B3GALT1: variants seen among roughly 807,000 people sequenced by gnomAD.
B3GALT1 encodes beta-1,3-galactosyltransferase 1.
Under a neutral mutation model 23.2 loss-of-function variants are expected in B3GALT1, and 10 were observed. That is an observed-to-expected ratio of 0.43 (90% CI 0.27 to 0.73). The LOEUF is 0.73. Among genes scored for constraint, B3GALT1 ranks in the 30% least tolerant of loss-of-function variants. B3GALT1 has a pLI of 0.21. For missense variants in B3GALT1, 299 were observed against 405.4 expected, an observed-to-expected ratio of 0.74 and a Z score of 2.25; for synonymous variants, 156 against 141.5, an observed-to-expected ratio of 1.10 and a Z score of -0.73.
intron 2 of B3GALT1, among the ~76,000 whole-genome samples, chr2:167,583,382 T>C (rs1207375713): frequency 6.6e-6 from 1 of 152,196 alleles, no homozygotes; most frequent in Non-Finnish European, 1.5e-5. Context: ...GAGGTTCTTG[T>C]TCATACGTTA....
chr2:167,762,314 C>A (rs1687909452), intron 3 of B3GALT1, among the ~76,000 whole-genome samples: 1 of 152,150 alleles, frequency 6.6e-6, no homozygotes, highest in African/African-American at 2.4e-5. Flanking sequence ...AAGAATATGG[C>A]ATTTTGAATG....
In B3GALT1 at chr2:167,645,285, A is replaced by G. The variant is rs142416059; in HGVS notation, c.-409-1624A>G. 3.8e-3 allele frequency among the ~76,000 whole-genome samples: 574 copies of G among 152,302 alleles called. 3 individuals carry two copies. The highest frequency in any genetic ancestry group is 6.8e-3 in the Middle Eastern group (2 of 294). On this transcript the variant is annotated intron_variant, in intron 2 of 4. Transcript: ENST00000392690. Reference sequence around the variant, plus strand: ...CTAGCAATACTTTTATGAAACAAGAATTACTCTAATGGAAGATAATTTTTA... The same window carrying G: ...CTAGCAATACTTTTATGAAACAAGAGTTACTCTAATGGAAGATAATTTTTA...
chr2:167,804,638 C>T (rs1480910454), intron 3 of B3GALT1, among the ~76,000 whole-genome samples: 1 of 152,148 alleles, frequency 6.6e-6, no homozygotes, highest in East Asian at 1.9e-4. Flanking sequence ...TCATCCATGT[C>T]CCTACAAAGG....
chr2:167,619,594 C>T (rs563380623), intron 2 of B3GALT1, among the ~76,000 whole-genome samples: 3 of 152,084 alleles, frequency 2.0e-5, no homozygotes, highest in African/African-American at 7.2e-5. Context: ...GGTTAACAAA[C>T]CAAATTAAGA....
chr2:167,620,332 A>G (rs1006990748), intron 2 of B3GALT1, among the ~76,000 whole-genome samples: 2 of 152,124 alleles, frequency 1.3e-5, no homozygotes, highest in Admixed American at 6.6e-5. Context: ...TGGCTAACCC[A>G]TAGTATACAA....
chr2:167,586,584 C>G (rs994631143), intron 2 of B3GALT1, among the ~76,000 whole-genome samples: 39 of 152,180 alleles, frequency 2.6e-4, no homozygotes, highest in African/African-American at 9.2e-4. Flanking sequence ...CAGGTGTGAG[C>G]TACCACGCCA....
chr2:167,795,758 T>A (rs916479170), intron 3 of B3GALT1, among the ~76,000 whole-genome samples: 8 of 152,198 alleles, frequency 5.3e-5, no homozygotes, highest in Non-Finnish European at 1.5e-5. Flanking sequence ...AGCTTATAGA[T>A]CCATCACCAA....
At chr2:167,431,052 T>C (rs1421379613) in intron 1 of B3GALT1, among the ~76,000 whole-genome samples, 2 of 152,208 alleles carry the variant, frequency 1.3e-5, no homozygotes, top group African/African-American at 2.4e-5. Flanking sequence ...GAAACTGTAA[T>C]GTCCTTTATG....
At chr2:167,704,005 C>T (rs1222311339) in intron 3 of B3GALT1, among the ~76,000 whole-genome samples, 2 of 151,834 alleles carry the variant, frequency 1.3e-5, no homozygotes, top group Admixed American at 6.6e-5. Flanking sequence ...CACGGTGAAA[C>T]CCCGTCTCTA....
At chr2:167,790,392 T>G (rs956569406) in intron 3 of B3GALT1, among the ~76,000 whole-genome samples, 1 of 152,190 alleles carries the variant, frequency 6.6e-6, no homozygotes, top group African/African-American at 2.4e-5. Flanking sequence ...ACTGTGAGTC[T>G]GGTTTCATCT....
At chr2:167,411,399 A>C (rs1381603808) in intron 1 of B3GALT1, among the ~76,000 whole-genome samples, 1 of 136,168 alleles carries the variant, frequency 7.3e-6, no homozygotes, top group East Asian at 2.2e-4. Context: ...AAAAAAAAAA[A>C]CCACACAAAT....
chr2:167,367,034 T>C (rs1697598552), intron 1 of B3GALT1, among the ~76,000 whole-genome samples: 1 of 152,186 alleles, frequency 6.6e-6, no homozygotes, highest in African/African-American at 2.4e-5. Context: ...TGGGGAAGAC[T>C]ACACAAGGGC....
At chr2:167,529,345 A>C (rs1683280490) in intron 2 of B3GALT1, among the ~76,000 whole-genome samples, 1 of 151,836 alleles carries the variant, frequency 6.6e-6, no homozygotes, top group Non-Finnish European at 1.5e-5. Context: ...ATATGTACCA[A>C]AATACCATCT....
chr2:167,730,230 T>C (rs1255763953), intron 3 of B3GALT1, among the ~76,000 whole-genome samples: 7 of 152,180 alleles, frequency 4.6e-5, no homozygotes, highest in African/African-American at 1.7e-4. Context: ...TTTCCACACA[T>C]ACAGCAAGCT....
intron 3 of B3GALT1, among the ~76,000 whole-genome samples, chr2:167,815,957 T>C (rs1688985243): frequency 6.6e-6 from 1 of 152,214 alleles, no homozygotes; most frequent in Admixed American, 6.5e-5. Context: ...TCTACTTGAC[T>C]TTGAAATATT....
chr2:167,776,961 G>GT (rs943452100), intron 3 of B3GALT1, among the ~76,000 whole-genome samples: 6 of 151,976 alleles, frequency 3.9e-5, no homozygotes, highest in South Asian at 2.1e-4. Flanking sequence ...ACAGGCTAAG[G>GT]TTTTTTTTGT....
chr2:167,710,218 A>C (rs981684761), intron 3 of B3GALT1, among the ~76,000 whole-genome samples: 1 of 152,236 alleles, frequency 6.6e-6, no homozygotes, highest in Non-Finnish European at 1.5e-5. Context: ...CTTATTTTAA[A>C]TACAGAATTA....
rs1390344386 is a variant in B3GALT1, at chr2:167,441,985, C to T, written c.-510-48192C>T. ...TGCTGGTGTGCTGCACCCATTAACTCGTCATCTAGCATTAGGTATATCTCC... is the reference window on the plus strand; with the variant it reads ...TGCTGGTGTGCTGCACCCATTAACTTGTCATCTAGCATTAGGTATATCTCC... On this transcript the variant is annotated intron_variant, in intron 1 of 4. Coordinates refer to ENST00000392690, the MANE Select transcript of B3GALT1 (RefSeq NM_020981.4). Among the ~76,000 whole-genome samples, 5 of 151,868 alleles carry T rather than the reference C, an allele frequency of 3.3e-5. No individual in the cohort carries two copies. In the East Asian group the frequency reaches 5.8e-4, roughly 18 times the overall value.
chr2:167,371,357 A>G (rs1356593543), intron 1 of B3GALT1, among the ~76,000 whole-genome samples: 1 of 152,204 alleles, frequency 6.6e-6, no homozygotes, highest in Non-Finnish European at 1.5e-5. Flanking sequence ...ACTAAGGAGT[A>G]TATTGCTAAA....
Sources: allele counts gnomAD v4.1 joint callset (sites outside exome capture counted in the v4.1 genomes callset), GRCh38; gene constraint gnomAD v4.1.1; transcripts MANE v1.5; gene names NCBI Gene and HGNC (gene_info 2026-07-23, HGNC 2026-07-21).